The following KAZN variants were observed in gnomAD, a reference collection of about 807,000 sequenced individuals.
KAZN encodes kazrin.
KAZN carries 40 observed loss-of-function variants against 87.4 expected under a neutral mutation model. The ratio of observed to expected loss-of-function variants is 0.46; its 90% CI spans 0.36 to 0.60. KAZN has a LOEUF of 0.60. Ranked by LOEUF, KAZN falls within the 20% of genes least tolerant of loss-of-function variation. KAZN has a pLI of 0.00. For missense variants in KAZN, 898 were observed against 1,073.9 expected (o/e 0.84, Z 2.29); for synonymous variants, 466 against 458.3 (o/e 1.02, Z -0.22).
At chr1:14,656,626 C>T (rs1024706419) in intron 1 of KAZN, among the ~76,000 whole-genome samples, 3 of 152,204 alleles carry the variant, frequency 2.0e-5, no homozygotes, top group African/African-American at 7.2e-5. Context: ...CCTCAGGAAA[C>T]TTACAGTCAT....
At chr1:14,348,105 C>T (rs189362081) in intron 2 of KAZN, among the ~76,000 whole-genome samples, 160 of 139,084 alleles carry the variant, frequency 1.2e-3, no homozygotes, top group Middle Eastern at 4.7e-3. Context: ...GGCTGGAGTG[C>T]AGTGGCATCA....
At chr1:14,871,466 T>C (rs1652120488) in intron 1 of KAZN, among the ~76,000 whole-genome samples, 1 of 152,034 alleles carries the variant, frequency 6.6e-6, no homozygotes, top group African/African-American at 2.4e-5. Context: ...TACAAGTCGC[T>C]CTGGTCTGGG....
At chr1:15,091,265 A>G (rs943893437) in intron 8 of KAZN, among the ~76,000 whole-genome samples, 2 of 152,232 alleles carry the variant, frequency 1.3e-5, no homozygotes, top group African/African-American at 4.8e-5. Context: ...ACACGTGTAT[A>G]TAATAATTAT....
intron 1 of KAZN, among the ~76,000 whole-genome samples, chr1:14,774,008 G>A (rs966346562): frequency 3.9e-5 from 6 of 152,234 alleles, no homozygotes; most frequent in African/African-American, 1.4e-4. Flanking sequence ...GTTCACCTGA[G>A]CTGCCGCCAT....
intron 2 of KAZN, among the ~76,000 whole-genome samples, chr1:14,396,912 T>TTTA (rs397974055): frequency 1.3e-5 from 2 of 148,988 alleles, no homozygotes; most frequent in African/African-American, 5.0e-5. Context: ...TTTTTTTTTT[T>TTTA]ACTTAGAACA....
intron 1 of KAZN, among the ~76,000 whole-genome samples, chr1:13,979,773 C>A (rs1480094621): frequency 6.6e-6 from 1 of 151,758 alleles, no homozygotes; most frequent in South Asian, 2.1e-4. Flanking sequence ...CTAAAAAATA[C>A]CAAAAAAATT....
rs373480433 is a variant in KAZN at position 15,023,914 on chromosome 1, G to C, written c.419-10835G>C. Among the ~76,000 whole-genome samples, 148 of 149,166 alleles carry C rather than the reference G, an allele frequency of 9.9e-4. No individual in the cohort carries two copies. The Middle Eastern group carries it at 0.014, about 14-fold the overall frequency. Reference sequence around the variant, plus strand: ...TGGAGTATGAGAAAAGTTTGGGGGGGTGGTCAAGGAAGATTCCAGAGTTTA... The same window carrying C: ...TGGAGTATGAGAAAAGTTTGGGGGGCTGGTCAAGGAAGATTCCAGAGTTTA... On this transcript the variant is annotated intron_variant, in intron 2 of 14. Coordinates refer to ENST00000376030, the MANE Select transcript of KAZN (RefSeq NM_201628.3).
chr1:14,402,831 AC>A (rs759153575), intron 2 of KAZN, among the ~76,000 whole-genome samples: 2 of 150,988 alleles, frequency 1.3e-5, no homozygotes, highest in South Asian at 2.1e-4. Context: ...GGATATAGAA[AC>A]TTTTTTTTTT....
At chr1:14,381,349 C>G (rs965991514) in intron 2 of KAZN, among the ~76,000 whole-genome samples, 1 of 151,782 alleles carries the variant, frequency 6.6e-6, no homozygotes, top group East Asian at 2.0e-4. Context: ...CAGTATTACC[C>G]TGCTACCAAA....
intron 2 of KAZN, among the ~76,000 whole-genome samples, chr1:14,246,951 T>C (rs1212610661): frequency 6.6e-6 from 1 of 152,204 alleles, no homozygotes; most frequent in African/African-American, 2.4e-5. Context: ...ACCCAGCTCA[T>C]GCCGAATTAT....
chr1:14,411,049 T>A (rs1664265530), intron 2 of KAZN, among the ~76,000 whole-genome samples: 1 of 152,108 alleles, frequency 6.6e-6, no homozygotes, highest in Non-Finnish European at 1.5e-5. Context: ...AACATCAAGT[T>A]ACAGGAAAGA....
intron 2 of KAZN, among the ~76,000 whole-genome samples, chr1:14,384,602 A>G (rs1571471039): frequency 6.6e-6 from 1 of 152,152 alleles, no homozygotes; most frequent in African/African-American, 2.4e-5. Context: ...GGTTCTGTTT[A>G]TATGCTGGAT....
intron 2 of KAZN, among the ~76,000 whole-genome samples, chr1:14,244,246 A>G (rs909437472): frequency 3.3e-5 from 5 of 152,140 alleles, no homozygotes; most frequent in Non-Finnish European, 7.3e-5. Context: ...TGAGTCCTTG[A>G]GTGCAAGGCT....
chr1:15,043,584 C>T (rs938630688), intron 3 of KAZN, among the ~76,000 whole-genome samples: 2 of 151,452 alleles, frequency 1.3e-5, no homozygotes, highest in African/African-American at 4.9e-5. Flanking sequence ...ACGGCTTTCC[C>T]ACCACAGAGC....
intron 1 of KAZN, among the ~76,000 whole-genome samples, chr1:14,076,437 G>T (rs1643465005): frequency 1.3e-5 from 2 of 152,158 alleles, no homozygotes; most frequent in African/African-American, 4.8e-5. Context: ...GCAAGGAACA[G>T]ATTCTCCATC....
chr1:14,853,370 C>T (rs1247977521), intron 1 of KAZN, among the ~76,000 whole-genome samples: 7 of 152,108 alleles, frequency 4.6e-5, no homozygotes, highest in African/African-American at 1.4e-4. Context: ...AATGTTACCT[C>T]GTGGGTGCCA....
At chr1:14,402,147 A>G (rs1164010510) in intron 2 of KAZN, among the ~76,000 whole-genome samples, 1 of 151,972 alleles carries the variant, frequency 6.6e-6, no homozygotes, top group East Asian at 1.9e-4. Flanking sequence ...CAAAAAGTCC[A>G]ATGACTTTTA....
At chr1:14,427,513 AAC>A (rs141037257) in intron 2 of KAZN, among the ~76,000 whole-genome samples, 24 of 150,284 alleles carry the variant, frequency 1.6e-4, no homozygotes, top group African/African-American at 3.2e-4. Flanking sequence ...CTATAATTTA[AAC>A]ACACACACAC....
intron 1 of KAZN, among the ~76,000 whole-genome samples, chr1:14,827,978 A>G (rs1646945991): frequency 6.6e-6 from 1 of 152,236 alleles, no homozygotes; most frequent in African/African-American, 2.4e-5. Context: ...AGACGACTAA[A>G]GTTAAATAAC....
Sources: allele counts gnomAD v4.1 joint callset (sites outside exome capture counted in the v4.1 genomes callset), GRCh38; gene constraint gnomAD v4.1.1; transcripts MANE v1.5; gene names NCBI Gene and HGNC (gene_info 2026-07-23, HGNC 2026-07-21).